Variants in DPP6 observed in about 807,000 individuals in gnomAD.
DPP6 encodes the protein A-type potassium channel modulatory protein DPP6.
DPP6 carries 69 observed loss-of-function variants against 122.6 expected under a neutral mutation model. That is an observed-to-expected ratio of 0.56 (90% CI 0.46 to 0.69). The LOEUF is 0.69. DPP6 is among the 30% of genes least tolerant of loss of function. The probability of loss-of-function intolerance (pLI) is 0.00; values close to 1 mark genes in which losing one functional copy is unlikely to be tolerated. For missense variants in DPP6, 928 were observed against 1,116.9 expected, an observed-to-expected ratio of 0.83 and a Z score of 2.41; for synonymous variants, 418 against 433.1, an observed-to-expected ratio of 0.97 and a Z score of 0.43.
intron 1 of DPP6, among the ~76,000 whole-genome samples, chr7:154,281,551 C>G (rs1192948662): frequency 6.6e-6 from 1 of 152,120 alleles, no homozygotes; most frequent in South Asian, 2.1e-4. Context: ...AATTTACATA[C>G]CTTGTGACTC....
Position 154,558,047 on chromosome 7 carries a change from A to G in DPP6, c.553-8795A>G, listed in dbSNP as rs562860724. Among the ~76,000 whole-genome samples, 9 of 152,098 alleles carry G rather than the reference A, an allele frequency of 5.9e-5. No individual in the cohort carries two copies. The East Asian group carries it at 1.8e-3, about 30-fold the overall frequency. On this transcript the variant is annotated intron_variant, in intron 4 of 25. Transcript: ENST00000377770. ...CGTGCCACAGTGGTTTGCTGCACCC[A>G]TCAACCCATCACCTACATTAGGGAT... is the stretch of plus-strand genomic sequence containing the variant.
In DPP6 at chr7:154,403,032, A is replaced by T. The variant is rs1815772448; in HGVS notation, c.244-43182A>T. Among the ~76,000 whole-genome samples, 1 of 152,318 alleles carries T rather than the reference A, an allele frequency of 6.6e-6. No individual in the cohort carries two copies. Among genetic ancestry groups the T allele is most frequent in the African/African-American group, 2.4e-5 (1 of 41,570 alleles). On this transcript the variant is annotated intron_variant, in intron 1 of 25. Coordinates refer to ENST00000377770, the MANE Select transcript of DPP6 (RefSeq NM_130797.4). The surrounding 1 kb of genome is among the most constrained non-coding windows in gnomAD (Gnocchi z 4.1). ...CAAGATTATGATGTGTAAAACAGAG[A>T]TGCTAATAGCTAATTATCAGAGTTA...
chr7:154,883,438 ATT>A (rs1164412067), intron 21 of DPP6: 3 of 145,080 alleles, frequency 2.1e-5, no homozygotes, highest in Non-Finnish European at 3.0e-5. Context: ...ACACGCTCAC[ATT>A]CACACACATG....
chr7:154,732,069 T>C (rs1027458648), intron 8 of DPP6, among the ~76,000 whole-genome samples: 1 of 151,980 alleles, frequency 6.6e-6, no homozygotes, highest in Non-Finnish European at 1.5e-5. Flanking sequence ...GATGGAGTCT[T>C]GCTTTGTCAC....
chr7:153,876,745 G>C, the DPP6 span, among the ~76,000 whole-genome samples: 1 of 151,954 alleles, frequency 6.6e-6, no homozygotes, highest in Non-Finnish European at 1.5e-5. Flanking sequence ...GTACTTACAT[G>C]AATATAGAGG....
intron 1 of DPP6, among the ~76,000 whole-genome samples, chr7:154,007,825 A>T (rs1316784265): frequency 1.3e-5 from 2 of 152,114 alleles, no homozygotes; most frequent in Non-Finnish European, 2.9e-5. Flanking sequence ...TCCTGTGGTC[A>T]CACACCTCGG....
chr7:154,777,551 G>A (rs1796658577), intron 10 of DPP6, among the ~76,000 whole-genome samples: 1 of 152,164 alleles, frequency 6.6e-6, no homozygotes, highest in Non-Finnish European at 1.5e-5. Flanking sequence ...AAACCCAGCT[G>A]CACTGATAAA....
chr7:154,639,161 C>G (rs1168875514), intron 6 of DPP6, among the ~76,000 whole-genome samples: 1 of 152,096 alleles, frequency 6.6e-6, no homozygotes, highest in Non-Finnish European at 1.5e-5. Flanking sequence ...AAAACAAACT[C>G]GAATAAACTA....
intron 1 of DPP6, among the ~76,000 whole-genome samples, chr7:154,176,953 C>T (rs1797834747): frequency 6.6e-6 from 1 of 152,154 alleles, no homozygotes; most frequent in South Asian, 2.1e-4. Flanking sequence ...CCCACCTCAG[C>T]CTCCCAAGTA....
intron 16 of DPP6, among the ~76,000 whole-genome samples, chr7:154,841,246 C>T (rs370319825): frequency 1.2e-4 from 19 of 152,070 alleles, no homozygotes; most frequent in African/African-American, 4.3e-4. Context: ...TCGGGGCGAA[C>T]GAAACAGCCA....
At chr7:154,563,198 G>A (rs1260943036) in intron 4 of DPP6, among the ~76,000 whole-genome samples, 6 of 152,234 alleles carry the variant, frequency 3.9e-5, no homozygotes, top group Non-Finnish European at 8.8e-5. Flanking sequence ...ATTTCAGGCA[G>A]AAGAAAGAGG....
chr7:154,068,266 A>G (rs1056232454), intron 1 of DPP6, among the ~76,000 whole-genome samples: 9 of 150,078 alleles, frequency 6.0e-5, no homozygotes, highest in African/African-American at 1.7e-4. Context: ...TTATTATTCT[A>G]TTGTTGATTC....
chr7:153,784,469 G>A, the DPP6 span, among the ~76,000 whole-genome samples: 1 of 152,180 alleles, frequency 6.6e-6, no homozygotes, highest in African/African-American at 2.4e-5. Context: ...TAAATTGTTT[G>A]AAAGGTAGAC....
chr7:153,844,731 A>G, the DPP6 span, among the ~76,000 whole-genome samples: 1 of 152,224 alleles, frequency 6.6e-6, no homozygotes, highest in Non-Finnish European at 1.5e-5. Context: ...GACTTTCTAT[A>G]ATCTGTAGTT....
chr7:154,474,070 A>T (rs2151346387), intron 2 of DPP6, among the ~76,000 whole-genome samples: 1 of 152,348 alleles, frequency 6.6e-6, no homozygotes, highest in South Asian at 2.1e-4. Flanking sequence ...TCTTATTAGT[A>T]TCACAGAAGT....
At chr7:154,734,060 T>A (rs775442924) in intron 8 of DPP6, among the ~76,000 whole-genome samples, 1 of 152,258 alleles carries the variant, frequency 6.6e-6, no homozygotes, top group Admixed American at 6.5e-5. Context: ...AGCGGCAGCC[T>A]TGGACGGTTC....
chr7:154,669,114 A>C (rs1838383027), intron 6 of DPP6, among the ~76,000 whole-genome samples: 1 of 152,212 alleles, frequency 6.6e-6, no homozygotes, highest in Admixed American at 6.5e-5. Flanking sequence ...TCTCTTAATG[A>C]GTATTTACTA....
intron 7 of DPP6, among the ~76,000 whole-genome samples, chr7:154,723,708 T>C (rs1841932718): frequency 6.6e-6 from 1 of 152,088 alleles, no homozygotes; most frequent in African/African-American, 2.4e-5. Flanking sequence ...ATATTTTCAG[T>C]AAAAAAAATT....
At chr7:154,834,471 C>T (rs1348933179) in intron 16 of DPP6, among the ~76,000 whole-genome samples, 1 of 126,756 alleles carries the variant, frequency 7.9e-6, no homozygotes, top group African/African-American at 3.0e-5. Context: ...AGCAAAACTC[C>T]ATCTCAAAGA....
Sources: allele counts gnomAD v4.1 joint callset (sites outside exome capture counted in the v4.1 genomes callset), GRCh38; gene constraint gnomAD v4.1.1; non-coding constraint Gnocchi (gnomAD v3.1); transcripts MANE v1.5; gene names NCBI Gene and HGNC (gene_info 2026-07-23, HGNC 2026-07-21).